Variants in MYO1E observed in about 807,000 individuals in gnomAD.
The protein encoded by MYO1E is unconventional myosin-Ie.
A neutral mutation model predicts 151.1 loss-of-function variants in MYO1E; 68 were observed. That is an observed-to-expected ratio of 0.45 (90% CI 0.37 to 0.55). MYO1E has a LOEUF of 0.55. Among genes scored for constraint, MYO1E ranks in the 20% least tolerant of loss-of-function variants. The probability of loss-of-function intolerance (pLI) is 0.00; values close to 1 mark genes in which losing one functional copy is unlikely to be tolerated. For missense variants in MYO1E, 1,363 were observed against 1,389.3 expected, an observed-to-expected ratio of 0.98 and a Z score of 0.30; for synonymous variants, 601 against 501.7, an observed-to-expected ratio of 1.20 and a Z score of -2.64.
intron 7 of MYO1E, 91 bp from the exon 8 acceptor site, chr15:59,224,914 T>A (rs1258666920): frequency 1.9e-6 from 3 of 1,548,584 alleles, no homozygotes; most frequent in Non-Finnish European, 2.7e-6. Context: ...CCCTAAGGAC[T>A]TTCTATCTCT....
Position 59,195,709 on chromosome 15 carries a change from G to T in MYO1E, c.1699-142C>A, listed in dbSNP as rs1374986622. On this transcript the variant is annotated intron_variant, in intron 16 of 27. Coordinates refer to ENST00000288235, the MANE Select transcript of MYO1E (RefSeq NM_004998.4). Reference sequence around the variant, plus strand: ...CAATTTGCTCGTTAAGCATAACTCAGGTCTACTAAACTTTCCGAAAGCTTT... The same window carrying T: ...CAATTTGCTCGTTAAGCATAACTCATGTCTACTAAACTTTCCGAAAGCTTT... 7.0e-6 allele frequency: 6 copies of T among 856,482 alleles called. No individual in the cohort carries two copies. In the African/African-American group the frequency reaches 1.0e-4, roughly 14 times the overall value. The allele number at this position is 856,482 out of a possible 1,614,324, so 53.1% of individuals were successfully genotyped here.
chr15:59,281,509 C>G (rs2080353141), intron 1 of MYO1E, among the ~76,000 whole-genome samples: 1 of 152,082 alleles, frequency 6.6e-6, no homozygotes, highest in South Asian at 2.1e-4. Flanking sequence ...CTCCTGACCT[C>G]AGGTGATCTG....
intron 2 of MYO1E, among the ~76,000 whole-genome samples, chr15:59,271,973 T>C (rs1020200775): frequency 1.4e-4 from 21 of 152,252 alleles, no homozygotes; most frequent in Non-Finnish European, 2.2e-4. Flanking sequence ...CCGGGCATCA[T>C]CTTTGCCCTT....
At chr15:59,186,294 T>G (rs1392299241) in intron 18 of MYO1E, among the ~76,000 whole-genome samples, 1 of 152,082 alleles carries the variant, frequency 6.6e-6, no homozygotes, top group Non-Finnish European at 1.5e-5. Context: ...TCGGCTGTCC[T>G]AATCTCATAG....
At chr15:59,175,800 C>G (rs557753592) in intron 19 of MYO1E, among the ~76,000 whole-genome samples, 9 of 152,118 alleles carry the variant, frequency 5.9e-5, no homozygotes, top group East Asian at 1.9e-4. Flanking sequence ...AACAGGCAAA[C>G]GATTCCCAAC....
At chr15:59,353,154 C>CA (rs1319925411) in intron 1 of MYO1E, among the ~76,000 whole-genome samples, 13 of 151,950 alleles carry the variant, frequency 8.6e-5, no homozygotes, top group African/African-American at 2.9e-4. Flanking sequence ...TAGCACATTA[C>CA]AAAGTTATTC....
intron 1 of MYO1E, among the ~76,000 whole-genome samples, chr15:59,343,223 T>C (rs1463193909): frequency 6.6e-6 from 1 of 152,154 alleles, no homozygotes; most frequent in Admixed American, 6.5e-5. Context: ...AGCTTTTGTT[T>C]GTCTGGGAAG....
rs1167842742 is a variant in MYO1E at position 59,167,641 on chromosome 15, C to A, written c.2480+4256G>T. Among the ~76,000 whole-genome samples the A allele has an allele frequency of 2.6e-5, 4 of 152,146 alleles. No homozygotes were observed. The East Asian group carries it at 7.7e-4, about 29-fold the overall frequency. The stretch of plus-strand genomic sequence containing the variant: ...CACTCTTCCCGAGTCTCCAATGAAG[C>A]CAGAAATGCAAGCGTCAGTGTTTCA... On this transcript the variant is annotated intron_variant, in intron 22 of 27. Coordinates refer to ENST00000288235, the MANE Select transcript of MYO1E (RefSeq NM_004998.4).
At chr15:59,157,073 A>C (rs545628599) in intron 25 of MYO1E, among the ~76,000 whole-genome samples, 1 of 151,914 alleles carries the variant, frequency 6.6e-6, no homozygotes, top group Non-Finnish European at 1.5e-5. Flanking sequence ...GAGTAAAAAA[A>C]AAAAGAGCCA....
chr15:59,361,009 G>A (rs116576175), intron 1 of MYO1E, among the ~76,000 whole-genome samples: 1 of 152,192 alleles, frequency 6.6e-6, no homozygotes, highest in African/African-American at 2.4e-5. Context: ...GTTGAAAAAT[G>A]TGTGTGCCCT....
chr15:59,363,705 T>G (rs1209472137), intron 1 of MYO1E, among the ~76,000 whole-genome samples: 1 of 152,190 alleles, frequency 6.6e-6, no homozygotes, highest in Non-Finnish European at 1.5e-5. Flanking sequence ...TGAAATGAAA[T>G]CATGTATATG....
intron 5 of MYO1E, among the ~76,000 whole-genome samples, chr15:59,235,048 G>A (rs1166361208): frequency 6.6e-6 from 1 of 152,112 alleles, no homozygotes; most frequent in African/African-American, 2.4e-5. Context: ...CTGGGGAGCA[G>A]GCTTTACTCA....
chr15:59,156,839 G>C (rs1204308895), intron 25 of MYO1E, among the ~76,000 whole-genome samples: 1 of 152,202 alleles, frequency 6.6e-6, no homozygotes, highest in African/African-American at 2.4e-5. Context: ...ATTTTTGCAA[G>C]CATTCTGCAA....
chr15:59,363,630 C>T (rs1225836751), intron 1 of MYO1E, among the ~76,000 whole-genome samples: 1 of 152,196 alleles, frequency 6.6e-6, no homozygotes, highest in Admixed American at 6.5e-5. Context: ...TAATTCCCCT[C>T]CCCTCACTAC....
intron 1 of MYO1E, among the ~76,000 whole-genome samples, chr15:59,279,705 G>C (rs2080341904): frequency 6.6e-6 from 1 of 152,184 alleles, no homozygotes; most frequent in South Asian, 2.1e-4. Flanking sequence ...ACATGATCCA[G>C]TGCATGGAAG....
chr15:59,216,616 A>G (rs1187244903), intron 10 of MYO1E, among the ~76,000 whole-genome samples: 1 of 94,526 alleles, frequency 1.1e-5, no homozygotes, highest in Non-Finnish European at 2.3e-5. Flanking sequence ...CTATCTATCT[A>G]TCTATCTTTT....
intron 15 of MYO1E, among the ~76,000 whole-genome samples, chr15:59,204,507 T>C (rs1367029302): frequency 3.3e-5 from 5 of 152,204 alleles, no homozygotes; most frequent in African/African-American, 9.6e-5. Flanking sequence ...CTGGCATGCA[T>C]GGGCCTTGCC....
chr15:59,194,977 A>G (rs1403427906), intron 17 of MYO1E, among the ~76,000 whole-genome samples: 1 of 152,170 alleles, frequency 6.6e-6, no homozygotes, highest in Non-Finnish European at 1.5e-5. Context: ...CTTAGGGGGA[A>G]TGCCAGAGCC....
At chr15:59,151,901 C>T (rs1283783306) in intron 26 of MYO1E, among the ~76,000 whole-genome samples, 4 of 151,366 alleles carry the variant, frequency 2.6e-5, no homozygotes, top group African/African-American at 9.7e-5. Context: ...CACACACACA[C>T]ACACACACAC....
Sources: allele counts gnomAD v4.1 joint callset (sites outside exome capture counted in the v4.1 genomes callset), GRCh38; gene constraint gnomAD v4.1.1; transcripts MANE v1.5; gene names NCBI Gene and HGNC (gene_info 2026-07-23, HGNC 2026-07-21).